Variants in SNW1 observed in about 807,000 individuals in gnomAD.
SNW1 encodes SNW domain containing 1.
In SNW1, 9 loss-of-function variants were observed where a neutral mutation model predicts 75.6. The observed-to-expected ratio is 0.12, with a 90% confidence interval of 0.07 to 0.21. SNW1 has a LOEUF of 0.21. Among genes scored for constraint, SNW1 ranks in the 10% least tolerant of loss-of-function variants. The pLI, the probability that SNW1 is intolerant of heterozygous loss-of-function variation, is 1.00. For missense variants in SNW1, 409 were observed against 670.9 expected, an observed-to-expected ratio of 0.61 and a Z score of 4.31; for synonymous variants, 200 against 219.1, an observed-to-expected ratio of 0.91 and a Z score of 0.77.
intron 12 of SNW1, among the ~76,000 whole-genome samples, chr14:77,719,008 TGCTCAGGTGTTCC>T (rs1285206818): frequency 2.0e-5 from 3 of 152,176 alleles, no homozygotes; most frequent in Admixed American, 6.5e-5. Flanking sequence ...GACCTCCCTG[TGCTCAGGTGTTCC>T]TCCCACCTCA....
intron 2 of SNW1, among the ~76,000 whole-genome samples, chr14:77,752,188 A>AT (rs1482606898): frequency 6.6e-6 from 1 of 152,144 alleles, no homozygotes; most frequent in African/African-American, 2.4e-5. Context: ...AATATAAAAG[A>AT]TTTTTTCTTG....
At chr14:77,719,953 G>C (rs986223126) in intron 12 of SNW1, among the ~76,000 whole-genome samples, 1 of 152,186 alleles carries the variant, frequency 6.6e-6, no homozygotes, top group East Asian at 1.9e-4. Context: ...GCATGCGCCC[G>C]CGTGTGTTTT....
At chr14:77,727,466 C>T (rs2080594595) in intron 10 of SNW1, among the ~76,000 whole-genome samples, 1 of 152,202 alleles carries the variant, frequency 6.6e-6, no homozygotes, top group African/African-American at 2.4e-5. Context: ...TTGCCTTCTT[C>T]CAGATCTCTG....
intron 2 of SNW1, among the ~76,000 whole-genome samples, chr14:77,751,767 G>T (rs556574179): frequency 6.6e-6 from 1 of 151,404 alleles, no homozygotes; most frequent in Admixed American, 6.6e-5. Context: ...AGTAACATGT[G>T]AGCTAAAGCC....
At chr14:77,760,617 T>C in intron 1 of SNW1, 2 of 702,170 alleles carry the variant, frequency 2.8e-6, no homozygotes, top group Non-Finnish European at 5.2e-6. Context: ...TGTGGCTCAT[T>C]TAAATCTGTG....
chr14:77,718,548 A>G lies in SNW1; in HGVS notation c.1249-18T>C. On this transcript the variant is annotated intron_variant, in intron 12 of 13. Coordinates refer to ENST00000261531, the MANE Select transcript of SNW1 (RefSeq NM_012245.3). ...TCCATACCCTGTGGAAAAATGGATG[A>G]CATTAAATAAAAGTGTAAACATTGT... The G allele has an allele frequency of 1.3e-6, 2 of 1,483,990 alleles. No homozygotes were observed. Among genetic ancestry groups the G allele is most frequent in the Non-Finnish European group, 1.9e-6 (2 of 1,080,984 alleles). 91.9% of individuals were successfully genotyped at this position (1,483,990 alleles called of 1,614,324 possible). A position where few individuals can be genotyped will look rare whatever the true frequency, so the allele number is the denominator to read the frequency against.
At chr14:77,731,308 G>A (rs1026407805) in intron 9 of SNW1, among the ~76,000 whole-genome samples, 179 bp from the exon 10 acceptor site, 1 of 152,210 alleles carries the variant, frequency 6.6e-6, no homozygotes, top group African/African-American at 2.4e-5. Context: ...GACACTGCAA[G>A]GTCAGCTTTT....
At chr14:77,749,664 G>A (rs1363822419) in intron 3 of SNW1, among the ~76,000 whole-genome samples, 5 of 152,142 alleles carry the variant, frequency 3.3e-5, no homozygotes, top group Non-Finnish European at 5.9e-5. Context: ...CTACTCGGGG[G>A]GCTGACATAC....
At position 77,740,789 on chromosome 14, in the gene SNW1, TCTC is replaced by T. The variant is rs550751585; in HGVS notation, c.331-1731_331-1729del. 1.1e-3 allele frequency among the ~76,000 whole-genome samples: 170 copies of T among 152,170 alleles called. 1 individual carries two copies. The highest frequency in any genetic ancestry group is 5.0e-4 in the Non-Finnish European group (34 of 67,996). On this transcript the variant is annotated intron_variant, in intron 3 of 13. Transcript: ENST00000261531. ...ATCTACTTTACATGGTTATTATCTG[TCTC>T]CCGTATTAAAACAATAAAAACGGGG...
intron 9 of SNW1, among the ~76,000 whole-genome samples, chr14:77,731,952 T>C (rs1313219905): frequency 6.6e-6 from 1 of 152,180 alleles, no homozygotes; most frequent in East Asian, 1.9e-4. Context: ...GTCAGGCTGG[T>C]CTTGAACTCT....
At position 77,736,989 on chromosome 14, in the gene SNW1, A is replaced by G; in HGVS notation, c.620T>C (p.Met207Thr). ...IRMVEMQKDP[M>T]EPPRFKINKK... is the part of the protein sequence containing the mutation. ...CACTTACTTGAACCTTGGAGGCTCCATTGGATCTTTCTGCATTTCTACCAT... is the reference window on the plus strand; with the variant it reads ...CACTTACTTGAACCTTGGAGGCTCCGTTGGATCTTTCTGCATTTCTACCAT... Residue 207 changes from methionine to threonine, a missense_variant, in exon 6 of 14, where the codon ATG becomes ACG. Coordinates refer to ENST00000261531, the MANE Select transcript of SNW1 (RefSeq NM_012245.3). The G allele has an allele frequency of 6.2e-7, 1 of 1,613,228 alleles. No homozygotes were observed. The highest frequency in any genetic ancestry group is 8.5e-7 in the Non-Finnish European group (1 of 1,179,236).
In SNW1 at chr14:77,735,732, G is replaced by C. The variant is rs561036203; in HGVS notation, c.708+205C>G. 2.0e-5 allele frequency among the ~76,000 whole-genome samples: 3 copies of C among 152,298 alleles called. No individual in the cohort carries two copies. In the East Asian group the frequency reaches 5.8e-4, roughly 29 times the overall value. ...GCAGACCCTGTCCATTCCATTAAAA[G>C]TAGGGTTTGCATTACTAATAACAAA... On this transcript the variant is annotated intron_variant, in intron 7 of 13. Coordinates refer to ENST00000261531, the MANE Select transcript of SNW1 (RefSeq NM_012245.3).
chr14:77,722,691 C>A, intron 11 of SNW1: 1 of 359,946 alleles, frequency 2.8e-6, no homozygotes, highest in South Asian at 2.1e-5. Context: ...AGAGCTAAGA[C>A]AAAGTAGTTA....
intron 6 of SNW1, 53 bp downstream of exon 6, chr14:77,736,918 T>G: frequency 1.0e-5 from 13 of 1,283,716 alleles, no homozygotes; most frequent in Non-Finnish European, 1.2e-5. Flanking sequence ...CATATTGTTT[T>G]GAGATTCATC....
chr14:77,719,645 A>C (rs2080522050), intron 12 of SNW1, among the ~76,000 whole-genome samples: 1 of 46,266 alleles, frequency 2.2e-5, no homozygotes, highest in South Asian at 7.9e-4. Flanking sequence ...CATATCAGAA[A>C]ACAAAAACAA....
At chr14:77,726,534 A>T (rs758796928) in intron 10 of SNW1, among the ~76,000 whole-genome samples, 2 of 152,066 alleles carry the variant, frequency 1.3e-5, no homozygotes, top group Non-Finnish European at 1.5e-5. Context: ...GTTTATTCCT[A>T]GGAGGCTATG....
rs1469585362 is a variant in SNW1 at position 77,738,891 on chromosome 14, T to C, written c.427-7A>G. The C allele has an allele frequency of 1.2e-6, 2 of 1,612,682 alleles. No individual in the cohort carries two copies. The highest frequency in any genetic ancestry group is 1.7e-5 in the Admixed American group (1 of 59,996). The stretch of plus-strand genomic sequence containing the variant: ...CTCTTGTCTTTTCTGTTATCTGAAA[T>C]AGGAAATATCACATTGAGAGTTTGG... On this transcript the variant is annotated splice_polypyrimidine_tract_variant and splice_region_variant and intron_variant, in intron 4 of 13. Transcript: ENST00000261531.
At chr14:77,734,864 C>T in intron 8 of SNW1, 83 bp downstream of exon 8, 1 of 902,978 alleles carries the variant, frequency 1.1e-6, no homozygotes, top group Non-Finnish European at 1.8e-6. Context: ...GTTGTTTCAA[C>T]TACAGTTATG....
intron 9 of SNW1, 61 bp from the exon 10 acceptor site, chr14:77,731,190 A>G: frequency 6.4e-7 from 1 of 1,551,434 alleles, no homozygotes. Flanking sequence ...TATGGCTATC[A>G]TCCAACTCCC....
Sources: gnomAD v4.1 joint callset for allele counts (sites outside exome capture counted in the v4.1 genomes callset) on GRCh38, gnomAD v4.1.1 for gene constraint, MANE v1.5 for transcripts, NCBI Gene and HGNC (gene_info 2026-07-23, HGNC 2026-07-21) for gene names.